Variants in ADAMTS9 observed in about 807,000 individuals in gnomAD.
ADAMTS9 encodes the protein A disintegrin and metalloproteinase with thrombospondin motifs 9.
Under a neutral mutation model 257.1 loss-of-function variants are expected in ADAMTS9, and 107 were observed. That is an observed-to-expected ratio of 0.42 (90% CI 0.36 to 0.49). The LOEUF is 0.49. ADAMTS9 is among the 20% of genes least tolerant of loss of function. The pLI is 0.03. For synonymous variants in ADAMTS9, 982 were observed against 880.9 expected (o/e 1.11, Z -2.03); for missense variants, 2,353 against 2,469.1 (o/e 0.95, Z 1.00).
intron 38 of ADAMTS9, among the ~76,000 whole-genome samples, chr3:64,531,386 T>C (rs1559749175): frequency 6.6e-6 from 1 of 151,452 alleles, no homozygotes; most frequent in African/African-American, 2.4e-5. Context: ...GAATTTCAGA[T>C]AAACAACATA....
chr3:64,558,873 T>C (rs746241722), intron 30 of ADAMTS9, among the ~76,000 whole-genome samples: 10 of 152,150 alleles, frequency 6.6e-5, no homozygotes, highest in Non-Finnish European at 1.3e-4. Flanking sequence ...GGCTGCCCTG[T>C]GGCACACTCT....
At chr3:64,678,017 G>T (rs540183481) in intron 3 of ADAMTS9, among the ~76,000 whole-genome samples, 2 of 152,252 alleles carry the variant, frequency 1.3e-5, no homozygotes, top group South Asian at 4.1e-4. Context: ...ATTCAGAAAT[G>T]ACCAAGACAT....
intron 19 of ADAMTS9, 145 bp downstream of exon 19, chr3:64,620,969 T>G: frequency 1.4e-5 from 14 of 993,728 alleles, no homozygotes; most frequent in Non-Finnish European, 1.9e-5. Context: ...TCCAGAGGGA[T>G]GGAGAATTGG....
chr3:64,637,115 C>G (rs1213222270), intron 12 of ADAMTS9, among the ~76,000 whole-genome samples: 1 of 152,168 alleles, frequency 6.6e-6, no homozygotes, highest in Admixed American at 6.5e-5. Context: ...ATTGACATGA[C>G]TTTAACAAAT....
chr3:64,619,472 C>T lies in ADAMTS9; in HGVS notation c.2813+1642G>A, dbSNP rs114410271. On this transcript the variant is annotated intron_variant, in intron 19 of 39. Coordinates refer to ENST00000498707, the MANE Select transcript of ADAMTS9 (RefSeq NM_182920.2). The stretch of plus-strand genomic sequence containing the variant: ...ATTTAGATTTCCGTCACTCCACTAA[C>T]TCGTTGTGTGAGCTTGTGCAATTTG... Among the ~76,000 whole-genome samples, 519 of 152,256 alleles carry T rather than the reference C, an allele frequency of 3.4e-3. 4 individuals carry two copies. Among genetic ancestry groups the T allele is most frequent in the Non-Finnish European group, 5.1e-3 (350 of 68,022 alleles).
At chr3:64,644,874 T>G (rs186514474) in intron 11 of ADAMTS9, among the ~76,000 whole-genome samples, 9 of 152,230 alleles carry the variant, frequency 5.9e-5, no homozygotes, top group Non-Finnish European at 4.4e-5. Context: ...ATCAGAGCGC[T>G]ACCATCTAGC....
intron 28 of ADAMTS9, among the ~76,000 whole-genome samples, chr3:64,573,436 T>C (rs756631646): frequency 6.6e-6 from 1 of 152,328 alleles, no homozygotes; most frequent in East Asian, 1.9e-4. Context: ...CGAGAACCTA[T>C]TACCAAGTTG....
intron 19 of ADAMTS9, among the ~76,000 whole-genome samples, chr3:64,616,425 T>G (rs778312237): frequency 1.3e-5 from 2 of 152,338 alleles, no homozygotes; most frequent in South Asian, 4.1e-4. Flanking sequence ...TTTACCCCGA[T>G]AGTCAATCTG....
At chr3:64,578,772 C>T (rs1166731593) in intron 28 of ADAMTS9, among the ~76,000 whole-genome samples, 2 of 152,168 alleles carry the variant, frequency 1.3e-5, no homozygotes, top group East Asian at 1.9e-4. Flanking sequence ...AAACGGGAGT[C>T]ATTGTGACCC....
At position 64,658,549 on chromosome 3, in the gene ADAMTS9, A is replaced by G; in HGVS notation, c.922T>C (p.Tyr308His). ...TAGTGTTGAAGGTTTTCTCCATGGTATGAAACCATTCTGTTGTCTGCCACC... is the reference window on the plus strand; with the variant it reads ...TAGTGTTGAAGGTTTTCTCCATGGTGTGAAACCATTCTGTTGTCTGCCACC... ...LVVADNRMVS[Y>H]HGENLQHYIL... Residue 308 changes from tyrosine (Y) to histidine (H), a missense_variant, in exon 4 of 40, where the codon TAC (tyrosine) becomes CAC (histidine). Around this residue, in one of 3 missense-constraint regions of ADAMTS9, gnomAD observed 591 missense variants for 569.6 expected, o/e 1.04. Coordinates refer to ENST00000498707, the MANE Select transcript of ADAMTS9 (RefSeq NM_182920.2). The G allele has an allele frequency of 2.5e-6, 4 of 1,614,148 alleles. No homozygotes were observed. Among genetic ancestry groups the G allele is most frequent in the South Asian group, 1.1e-5 (1 of 91,070 alleles).
chr3:64,661,990 C>A (rs1413745346), intron 3 of ADAMTS9, among the ~76,000 whole-genome samples: 1 of 151,542 alleles, frequency 6.6e-6, no homozygotes, highest in African/African-American at 2.4e-5. Context: ...CTTTTCTTTC[C>A]GTTGCCTTAA....
intron 30 of ADAMTS9, among the ~76,000 whole-genome samples, chr3:64,553,347 C>T (rs1438580674): frequency 3.9e-5 from 6 of 152,108 alleles, no homozygotes; most frequent in Non-Finnish European, 7.3e-5. Flanking sequence ...TTAATGTTTT[C>T]GAGGTTCTTC....
At chr3:64,598,741 T>C (rs1363209591) in intron 26 of ADAMTS9, among the ~76,000 whole-genome samples, 1 of 152,206 alleles carries the variant, frequency 6.6e-6, no homozygotes, top group Non-Finnish European at 1.5e-5. Flanking sequence ...TTTCATGGTA[T>C]AAATAGATTT....
rs750612116 is a variant in ADAMTS9 at position 64,649,676 on chromosome 3, T to C, written c.1566A>G (p.Glu522=). The change falls in exon 10 of 40, where the codon GAA becomes GAG. Residue 522 remains glutamate (E), a synonymous_variant. Coordinates refer to ENST00000498707, the MANE Select transcript of ADAMTS9 (RefSeq NM_182920.2). ...GILYNVNKQC[E]LIFGPGSQVC... is the part of the protein sequence containing the mutation. ...CCTGAGAACCTGGTCCAAAAATCAATTCACATTGTTTATTCACGTTGTAAA... is the reference window on the plus strand; with the variant it reads ...CCTGAGAACCTGGTCCAAAAATCAACTCACATTGTTTATTCACGTTGTAAA... The C allele has an allele frequency of 8.7e-6, 14 of 1,613,950 alleles. No individual in the cohort carries two copies. The highest frequency in any genetic ancestry group is 1.2e-5 in the Non-Finnish European group (14 of 1,179,944).
At chr3:64,632,136 A>T (rs1040917034) in intron 14 of ADAMTS9, among the ~76,000 whole-genome samples, 1 of 152,222 alleles carries the variant, frequency 6.6e-6, no homozygotes, top group African/African-American at 2.4e-5. Flanking sequence ...TGATGTGGTC[A>T]GGAATGCAGA....
intron 30 of ADAMTS9, among the ~76,000 whole-genome samples, chr3:64,561,099 A>C (rs1576018850): frequency 6.9e-6 from 1 of 145,490 alleles, no homozygotes; most frequent in African/African-American, 2.6e-5. Flanking sequence ...GAAATCTTTC[A>C]CTAATTAATC....
chr3:64,598,735 A>G (rs990677591), intron 26 of ADAMTS9, among the ~76,000 whole-genome samples: 1 of 152,114 alleles, frequency 6.6e-6, no homozygotes, highest in Non-Finnish European at 1.5e-5. Context: ...AGGGCCTTTC[A>G]TGGTATAAAT....
intron 28 of ADAMTS9, among the ~76,000 whole-genome samples, chr3:64,573,159 G>A (rs975585851): frequency 6.6e-6 from 1 of 151,956 alleles, no homozygotes; most frequent in Non-Finnish European, 1.5e-5. Flanking sequence ...GGGACTGAAT[G>A]AGGACCAGGA....
At position 64,681,214 on chromosome 3, in the gene ADAMTS9, T is replaced by G; in HGVS notation, c.666A>C (p.Ala222=). 1 of 1,612,970 alleles carries G rather than the reference T, an allele frequency of 6.2e-7. No homozygotes were observed. The highest frequency in any genetic ancestry group is 8.5e-7 in the Non-Finnish European group (1 of 1,179,648). ...PQREPSTGRH[A]CDTSEHKNRH... ...AGAAGCAAATACCTGAGGTGTCACA[T>G]GCATGCCTTCCTGTTGAGGGCTCTC... The change falls in exon 3 of 40, where the codon GCA becomes GCC. Residue 222 remains alanine (A), a synonymous_variant. Transcript: ENST00000498707.
Sources: allele counts gnomAD v4.1 joint callset (sites outside exome capture counted in the v4.1 genomes callset), GRCh38; gene constraint gnomAD v4.1.1; regional missense constraint gnomAD v4.1.1; transcripts MANE v1.5; gene names NCBI Gene and HGNC (gene_info 2026-07-23, HGNC 2026-07-21).